The following CRTC1 variants were observed in gnomAD, a reference collection of about 807,000 sequenced individuals.
CRTC1 encodes CREB-regulated transcription coactivator 1.
Under a neutral mutation model 66.1 loss-of-function variants are expected in CRTC1, and 18 were observed. The ratio of observed to expected loss-of-function variants is 0.27; its 90% CI spans 0.19 to 0.40. The LOEUF is 0.40. Ranked by LOEUF, CRTC1 falls within the 10% of genes least tolerant of loss-of-function variation. The probability of loss-of-function intolerance (pLI) is 1.00; values close to 1 mark genes in which losing one functional copy is unlikely to be tolerated. For missense variants in CRTC1, 669 were observed against 887.9 expected (o/e 0.75, Z 3.13); for synonymous variants, 416 against 398.8 (o/e 1.04, Z -0.51).
At chr19:18,761,972 AAC>A (rs1285829399) in intron 8 of CRTC1, among the ~76,000 whole-genome samples, 1 of 152,108 alleles carries the variant, frequency 6.6e-6, no homozygotes, top group Admixed American at 6.5e-5. Context: ...AGGCCCAGAA[AAC>A]ACAGCCGATT....
intron 1 of CRTC1, among the ~76,000 whole-genome samples, chr19:18,734,374 A>T (rs1010998670): frequency 1.3e-5 from 2 of 151,728 alleles, no homozygotes; most frequent in African/African-American, 2.4e-5. Context: ...TAAAAGATTA[A>T]AAAAAAATAG....
Position 18,707,964 on chromosome 19 carries a change from A to G in CRTC1, c.126+24136A>G, listed in dbSNP as rs2053303423. Reference sequence around the variant, plus strand: ...GCCATGAAGGGGGCTAACTCTGTCAATGCATGAACAGTCCTCAGGACTGTA... The same window carrying G: ...GCCATGAAGGGGGCTAACTCTGTCAGTGCATGAACAGTCCTCAGGACTGTA... On this transcript the variant is annotated intron_variant, in intron 1 of 13. Coordinates refer to ENST00000321949, the MANE Select transcript of CRTC1 (RefSeq NM_015321.3). Among the ~76,000 whole-genome samples, 3 of 152,338 alleles carry G rather than the reference A, an allele frequency of 2.0e-5. No homozygotes were observed. In the South Asian group the frequency reaches 6.2e-4, roughly 32 times the overall value.
chr19:18,701,220 C>G (rs764522584), intron 1 of CRTC1, among the ~76,000 whole-genome samples: 1 of 152,236 alleles, frequency 6.6e-6, no homozygotes, highest in African/African-American at 2.4e-5. Context: ...CCCCAGAGCC[C>G]GGGGCTCATC....
In CRTC1 at chr19:18,779,280, C is replaced by T. The variant is rs984029035; in HGVS notation, c.*1898C>T. The T allele has an allele frequency of 2.6e-5, 6 of 227,752 alleles. No homozygotes were observed. Among genetic ancestry groups the T allele is most frequent in the Non-Finnish European group, 3.5e-5 (4 of 114,770 alleles). The allele number at this position is 227,752 out of a possible 1,614,324, so 14.1% of individuals were successfully genotyped here. ...GCAACCATCCCTTCCTCTCTTTGCC[C>T]GGCAATGCCTTTGGCATGTGTCTGA... On this transcript the variant is annotated 3_prime_UTR_variant, in exon 14 of 14. Coordinates refer to ENST00000321949, the MANE Select transcript of CRTC1 (RefSeq NM_015321.3).
rs1181571125 is a variant in CRTC1, at chr19:18,768,586, GCCT to G, written c.1119_1121del (p.Pro375del). 2.6e-6 allele frequency: 4 copies of G among 1,560,938 alleles called. No homozygotes were observed. The East Asian group carries it at 7.0e-5, about 27-fold the overall frequency. ...CACCGCCGCAGCCCCAGCCCCCGCC[GCCT>G]CCTCCACCCGCGTCCCAGCAGCCAC... On this transcript the variant is annotated inframe_deletion, in exon 10 of 14. Transcript: ENST00000321949. The surrounding 1 kb of genome is among the most constrained non-coding windows in gnomAD (Gnocchi z 5.6).
At chr19:18,714,690 C>T (rs990090344) in intron 1 of CRTC1, among the ~76,000 whole-genome samples, 4 of 152,244 alleles carry the variant, frequency 2.6e-5, no homozygotes, top group Non-Finnish European at 5.9e-5. Context: ...GCTGTGATCC[C>T]CAGAAAGGTC....
intron 2 of CRTC1, among the ~76,000 whole-genome samples, chr19:18,745,380 G>A (rs2054207489): frequency 1.3e-5 from 2 of 152,212 alleles, no homozygotes; most frequent in Non-Finnish European, 2.9e-5. Flanking sequence ...AAGCCCCTGG[G>A]CTGTCTCTTG....
Position 18,685,393 on chromosome 19 carries a change from C to T in CRTC1, c.126+1565C>T, listed in dbSNP as rs187235078. On this transcript the variant is annotated intron_variant, in intron 1 of 13. Transcript: ENST00000321949. ...AAGAAAATGGCCAGGTGTGGTGGCT[C>T]ATGCCTGTAATCCCAGCACTTTGGA... is the stretch of plus-strand genomic sequence containing the variant. Among the ~76,000 whole-genome samples the T allele has an allele frequency of 7.2e-5, 11 of 152,226 alleles. No individual in the cohort carries two copies. The East Asian group carries it at 1.9e-3, about 27-fold the overall frequency.
At chr19:18,749,329 T>C (rs1433418998) in intron 4 of CRTC1, among the ~76,000 whole-genome samples, 1 of 152,148 alleles carries the variant, frequency 6.6e-6, no homozygotes, top group Non-Finnish European at 1.5e-5. Flanking sequence ...AGTCACCTGA[T>C]TGTGTTTGTC....
chr19:18,719,567 A>G (rs1230615848), intron 1 of CRTC1, among the ~76,000 whole-genome samples: 3 of 152,268 alleles, frequency 2.0e-5, no homozygotes, highest in African/African-American at 4.8e-5. Flanking sequence ...TAATGAGGGC[A>G]TCTCGCCTTT....
chr19:18,780,136 G>A lies in CRTC1; in HGVS notation c.*2754G>A, dbSNP rs371652559. ...GCCGCTTCCTGAGGGGCAGGCCCAC[G>A]TGGGGAGGTTGCGCCGTGTACATAG... On this transcript the variant is annotated 3_prime_UTR_variant, in exon 14 of 14. Transcript: ENST00000321949. The A allele has an allele frequency of 1.0e-3, 238 of 232,040 alleles. 3 individuals carry two copies. The highest frequency in any genetic ancestry group is 7.1e-3 in the Admixed American group (126 of 17,758). 14.4% of individuals were successfully genotyped at this position (232,040 alleles called of 1,614,324 possible).
At chr19:18,718,154 C>T (rs2053548493) in intron 1 of CRTC1, among the ~76,000 whole-genome samples, 2 of 152,074 alleles carry the variant, frequency 1.3e-5, no homozygotes, top group Admixed American at 1.3e-4. Context: ...CAGTCCCTCC[C>T]CTCCTCTCCT....
At chr19:18,774,398 C>T (rs1397027404) in intron 11 of CRTC1, among the ~76,000 whole-genome samples, 2 of 152,256 alleles carry the variant, frequency 1.3e-5, no homozygotes, top group African/African-American at 4.8e-5. Flanking sequence ...CTCCCTGTGC[C>T]TGTCCTGTGC....
chr19:18,768,437 G>A lies in CRTC1; in HGVS notation c.1012-48G>A. 6.5e-7 allele frequency: 1 copy of A among 1,547,082 alleles called. No individual in the cohort carries two copies. The highest frequency in any genetic ancestry group is 1.1e-5 in the South Asian group (1 of 87,950). Reference sequence around the variant, plus strand: ...GGCTATGGGGGCCCGAGGGGGCCAGGCGCTGACAACCAGGGCCCGCCCTGC... The same window carrying A: ...GGCTATGGGGGCCCGAGGGGGCCAGACGCTGACAACCAGGGCCCGCCCTGC... On this transcript the variant is annotated intron_variant, in intron 9 of 13. Coordinates refer to ENST00000321949, the MANE Select transcript of CRTC1 (RefSeq NM_015321.3). This position sits in a 1 kb window ranked among gnomAD's most constrained non-coding sequence, Gnocchi z 5.6.
intron 8 of CRTC1, 63 bp from the exon 9 acceptor site, chr19:18,765,341 A>G: frequency 1.9e-6 from 3 of 1,558,790 alleles, no homozygotes. Context: ...GTGGGTGTGT[A>G]AGCAGCCCTT....
At chr19:18,688,576 T>C (rs1440999262) in intron 1 of CRTC1, among the ~76,000 whole-genome samples, 2 of 152,026 alleles carry the variant, frequency 1.3e-5, no homozygotes, top group Admixed American at 6.6e-5. Context: ...GTAGCTGGAA[T>C]TGCAGGCATG....
At chr19:18,746,034 C>G in intron 3 of CRTC1, 74 bp downstream of exon 3, 1 of 1,518,344 alleles carries the variant, frequency 6.6e-7, no homozygotes, top group Non-Finnish European at 8.9e-7. Flanking sequence ...GTTTACCCAG[C>G]AGGTTCTGAC....
intron 1 of CRTC1, among the ~76,000 whole-genome samples, chr19:18,716,257 C>CTT (rs1216463325): frequency 2.1e-5 from 3 of 144,190 alleles, no homozygotes; most frequent in African/African-American, 2.5e-5. Flanking sequence ...CCGAATGACT[C>CTT]TTTTTTTTTT....
intron 1 of CRTC1, among the ~76,000 whole-genome samples, chr19:18,723,230 T>C (rs2053667658): frequency 6.6e-6 from 1 of 152,198 alleles, no homozygotes; most frequent in South Asian, 2.1e-4. Context: ...CCTGAGCCAC[T>C]GTAATTGCCC....
Sources: gnomAD v4.1 joint callset for allele counts (sites outside exome capture counted in the v4.1 genomes callset) on GRCh38, gnomAD v4.1.1 for gene constraint, Gnocchi (gnomAD v3.1) non-coding constraint, MANE v1.5 for transcripts, NCBI Gene and HGNC (gene_info 2026-07-23, HGNC 2026-07-21) for gene names.